GHR: variants seen among roughly 807,000 people sequenced by gnomAD.
GHR encodes growth hormone receptor.
In GHR, 35 loss-of-function variants were observed where a neutral mutation model predicts 67.1. That is an observed-to-expected ratio of 0.52 (90% CI 0.40 to 0.69). GHR has a LOEUF of 0.69. Ranked by LOEUF, GHR falls within the 30% of genes least tolerant of loss-of-function variation. GHR has a pLI of 0.00. For synonymous variants in GHR, 272 were observed against 269.1 expected (o/e 1.01, Z -0.10); for missense variants, 792 against 764.6 (o/e 1.04, Z -0.42).
chr5:42,623,663 T>G (rs1218146544), intron 2 of GHR, among the ~76,000 whole-genome samples: 3 of 152,208 alleles, frequency 2.0e-5, no homozygotes, highest in Non-Finnish European at 4.4e-5. Context: ...ATTCCATTGT[T>G]CCTCCAATGC....
chr5:42,672,545 T>C (rs977511242), intron 3 of GHR, among the ~76,000 whole-genome samples: 2 of 152,146 alleles, frequency 1.3e-5, no homozygotes, highest in Admixed American at 6.5e-5. Flanking sequence ...TAAATGGTAC[T>C]GGGATAAATG....
chr5:42,618,876 A>G (rs1580067485), intron 2 of GHR, among the ~76,000 whole-genome samples: 1 of 152,104 alleles, frequency 6.6e-6, no homozygotes, highest in East Asian at 1.9e-4. Context: ...ATTTAAGGGA[A>G]TGGAGAGAAA....
intron 1 of GHR, chr5:42,467,573 T>C: frequency 2.5e-6 from 4 of 1,576,558 alleles, no homozygotes; most frequent in Non-Finnish European, 3.5e-6. Flanking sequence ...AAGGAGAGGT[T>C]TTTTTGATAT....
At chr5:42,601,258 G>C (rs1298702228) in intron 2 of GHR, among the ~76,000 whole-genome samples, 1 of 151,910 alleles carries the variant, frequency 6.6e-6, no homozygotes, top group African/African-American at 2.4e-5. Context: ...GCTTTTTTGA[G>C]GACTAGAGTT....
intron 2 of GHR, among the ~76,000 whole-genome samples, chr5:42,621,994 G>T (rs999113447): frequency 6.6e-6 from 1 of 152,128 alleles, no homozygotes; most frequent in Non-Finnish European, 1.5e-5. Flanking sequence ...CTATGGATAG[G>T]AATGTAATTA....
intron 1 of GHR, chr5:42,549,613 G>T: frequency 1.1e-6 from 1 of 931,098 alleles, no homozygotes. Flanking sequence ...AGCAGGGCCA[G>T]AGGTGTGAAT....
chr5:42,493,106 G>A (rs1217023122), intron 1 of GHR, among the ~76,000 whole-genome samples: 8 of 152,178 alleles, frequency 5.3e-5, no homozygotes, highest in Admixed American at 5.2e-4. Flanking sequence ...TTTTCAAAGG[G>A]TTACGCCTCG....
At chr5:42,644,137 T>G (rs1754615354) in intron 3 of GHR, among the ~76,000 whole-genome samples, 1 of 151,944 alleles carries the variant, frequency 6.6e-6, no homozygotes, top group African/African-American at 2.4e-5. Flanking sequence ...GTATGCTGTC[T>G]TCTAGGTGAA....
intron 3 of GHR, among the ~76,000 whole-genome samples, chr5:42,684,186 A>C (rs1321921165): frequency 2.0e-5 from 3 of 152,170 alleles, no homozygotes; most frequent in East Asian, 3.8e-4. Flanking sequence ...ATGCCTCTTA[A>C]TTGTAAAAGC....
intron 2 of GHR, among the ~76,000 whole-genome samples, chr5:42,592,793 T>C (rs886379984): frequency 2.0e-5 from 3 of 152,208 alleles, no homozygotes; most frequent in African/African-American, 7.2e-5. Flanking sequence ...AGCAGTTCTA[T>C]TTTAAGTTAT....
intron 2 of GHR, among the ~76,000 whole-genome samples, chr5:42,628,170 T>TTGGTCTGC (rs1753798436): frequency 6.6e-6 from 1 of 152,178 alleles, no homozygotes; most frequent in African/African-American, 2.4e-5. Context: ...TGCTGGTCTG[T>TTGGTCTGC]TGGTCTGCTG....
chr5:42,675,853 A>C (rs1190300143), intron 3 of GHR, among the ~76,000 whole-genome samples: 1 of 152,216 alleles, frequency 6.6e-6, no homozygotes, highest in East Asian at 1.9e-4. Flanking sequence ...GACACTACAG[A>C]GCTCAGTTGA....
At chr5:42,472,884 C>G (rs1745072999) in intron 1 of GHR, among the ~76,000 whole-genome samples, 1 of 152,120 alleles carries the variant, frequency 6.6e-6, no homozygotes, top group African/African-American at 2.4e-5. Context: ...GATTCTGTTA[C>G]TCTATGATTT....
chr5:42,642,314 C>A (rs1208462943), intron 3 of GHR, among the ~76,000 whole-genome samples: 2 of 152,132 alleles, frequency 1.3e-5, no homozygotes, highest in Non-Finnish European at 2.9e-5. Context: ...CCCATAATCA[C>A]CTCCTTCTAC....
intron 1 of GHR, among the ~76,000 whole-genome samples, chr5:42,530,394 G>T (rs1747913109): frequency 6.6e-6 from 1 of 152,102 alleles, no homozygotes; most frequent in African/African-American, 2.4e-5. Flanking sequence ...CTCTGAAATT[G>T]TTGTCATGGA....
intron 1 of GHR, chr5:42,468,579 G>A: frequency 7.1e-6 from 7 of 979,598 alleles, no homozygotes. Context: ...ACCATGGACG[G>A]CTGCGTCTCC....
chr5:42,573,614 C>T (rs952577329), intron 2 of GHR, among the ~76,000 whole-genome samples: 2 of 152,154 alleles, frequency 1.3e-5, no homozygotes, highest in South Asian at 4.2e-4. Context: ...CATAATGATA[C>T]CTGAAGATCC....
intron 3 of GHR, among the ~76,000 whole-genome samples, chr5:42,637,477 CCT>C (rs1432397178): frequency 1.3e-5 from 2 of 152,094 alleles, no homozygotes; most frequent in Non-Finnish European, 2.9e-5. Context: ...CTAGTAGTCC[CCT>C]GTGTCTACTG....
chr5:42,445,417 A>T (rs796580393), intron 1 of GHR, among the ~76,000 whole-genome samples: 1 of 152,360 alleles, frequency 6.6e-6, no homozygotes, highest in African/African-American at 2.4e-5. Context: ...CTAAAGCATT[A>T]GTAGTGATGT....
Sources: allele counts gnomAD v4.1 joint callset (sites outside exome capture counted in the v4.1 genomes callset), GRCh38; gene constraint gnomAD v4.1.1; transcripts MANE v1.5; gene names NCBI Gene and HGNC (gene_info 2026-07-23, HGNC 2026-07-21).